UPRT: variants seen among roughly 807,000 people sequenced by gnomAD.
UPRT encodes the protein RP11-311P8.3.
In UPRT, 5 loss-of-function variants were observed where a neutral mutation model predicts 22.6. That is an observed-to-expected ratio of 0.22 (90% CI 0.12 to 0.47). UPRT has a LOEUF of 0.47. Ranked by LOEUF, UPRT falls within the 20% of genes least tolerant of loss-of-function variation. The pLI is 0.99. For missense variants in UPRT, 181 were observed against 239.9 expected (o/e 0.75, Z 1.62); for synonymous variants, 77 against 87.7 (o/e 0.88, Z 0.68).
chrX:75,161,070 A>T (rs761633695), intron 2 of UPRT, among the ~76,000 whole-genome samples: 1 of 112,740 alleles, frequency 8.9e-6, no homozygotes, highest in South Asian at 3.7e-4. Flanking sequence ...CAAAATAAGT[A>T]GTTGTTTTAA....
At chrX:75,284,125 T>C (rs2082670083) in intron 1 of UPRT, among the ~76,000 whole-genome samples, 1 of 111,696 alleles carries the variant, frequency 9.0e-6, no homozygotes, top group Non-Finnish European at 1.9e-5. Context: ...TCTAAAAGTA[T>C]GTCCAAAGTT....
intron 4 of UPRT, among the ~76,000 whole-genome samples, chrX:75,263,456 A>G (rs902698572): frequency 1.1e-4 from 12 of 111,670 alleles, no homozygotes; most frequent in Non-Finnish European, 1.9e-5. Flanking sequence ...GGGAGGGTGT[A>G]TGTGTCCAGG....
At chrX:75,183,607 C>A (rs1053753737) in intron 4 of UPRT, among the ~76,000 whole-genome samples, 1 of 111,908 alleles carries the variant, frequency 8.9e-6, no homozygotes, top group African/African-American at 3.3e-5. Flanking sequence ...CACCGACTTC[C>A]AAAATGATTG....
chrX:75,223,245 C>T (rs1055399570), intron 4 of UPRT, among the ~76,000 whole-genome samples: 1 of 109,378 alleles, frequency 9.1e-6, no homozygotes, highest in African/African-American at 3.3e-5. Flanking sequence ...TCTTCCCTCT[C>T]CTTTCCTCAA....
At chrX:75,269,783 A>G (rs994648993), upstream of UPRT, among the ~76,000 whole-genome samples, 1 of 111,958 alleles carries the variant, frequency 8.9e-6, no homozygotes, top group Non-Finnish European at 1.9e-5. Context: ...TAAACACAAG[A>G]CCTAAAATCA....
At chrX:75,237,813 G>T (rs1460627796) in intron 4 of UPRT, among the ~76,000 whole-genome samples, 1 of 50,083 alleles carries the variant, frequency 2.0e-5, no homozygotes, top group African/African-American at 7.7e-5. Context: ...TGGGGGGAGG[G>T]GGGAGGGATA....
chrX:75,288,433 A>G (rs1456765645), intron 1 of UPRT, among the ~76,000 whole-genome samples: 1 of 112,317 alleles, frequency 8.9e-6, no homozygotes, highest in Non-Finnish European at 1.9e-5. Flanking sequence ...AAAGTCCTCA[A>G]CAAAATACTA....
At chrX:75,239,569 A>G (rs887723457) in intron 4 of UPRT, among the ~76,000 whole-genome samples, 2 of 111,434 alleles carry the variant, frequency 1.8e-5, no homozygotes, top group African/African-American at 3.3e-5. Flanking sequence ...CAAAGGATAG[A>G]GAAAGAGGGA....
chrX:75,194,154 G>A (rs2082325424), intron 4 of UPRT, among the ~76,000 whole-genome samples: 1 of 111,641 alleles, frequency 9.0e-6, no homozygotes, highest in Admixed American at 9.6e-5. Flanking sequence ...CCTATTTGAT[G>A]TCCTTGGGAG....
At chrX:75,235,861 G>T (rs1480044384) in intron 4 of UPRT, among the ~76,000 whole-genome samples, 1 of 111,564 alleles carries the variant, frequency 9.0e-6, no homozygotes, top group African/African-American at 3.3e-5. Context: ...GGCAAAAACT[G>T]GAAGCATTCC....
At chrX:75,241,312 A>G (rs1049673603) in intron 4 of UPRT, among the ~76,000 whole-genome samples, 27 of 111,996 alleles carry the variant, frequency 2.4e-4, no homozygotes, top group Admixed American at 2.1e-3. Context: ...TGTCTAGCAA[A>G]CAGGAAAAAA....
At chrX:75,236,252 G>T (rs769990785) in intron 4 of UPRT, among the ~76,000 whole-genome samples, 2 of 111,321 alleles carry the variant, frequency 1.8e-5, no homozygotes, top group Admixed American at 1.9e-4. Context: ...GGATGTGAAG[G>T]ACCTCTTCAA....
intron 4 of UPRT, among the ~76,000 whole-genome samples, chrX:75,180,085 T>C (rs1198792802): frequency 8.9e-6 from 1 of 112,626 alleles, no homozygotes; most frequent in African/African-American, 3.2e-5. Context: ...ACCTCTCACT[T>C]TGTTGCCTCC....
chrX:75,205,383 CAAAAAAAAAA>C (rs55819232), intron 4 of UPRT, among the ~76,000 whole-genome samples: 5 of 38,147 alleles, frequency 1.3e-4, no homozygotes, highest in African/African-American at 2.6e-4. Flanking sequence ...GACTCCGTCT[CAAAAAAAAAA>C]AAAAAAAAAA....
chrX:75,240,098 G>A (rs2082483524), intron 4 of UPRT, among the ~76,000 whole-genome samples: 2 of 111,290 alleles, frequency 1.8e-5, no homozygotes, highest in Admixed American at 1.9e-4. Context: ...CCTAGCCAGA[G>A]CAATCAGACA....
intron 4 of UPRT, among the ~76,000 whole-genome samples, chrX:75,267,195 C>A (rs1569278375): frequency 2.7e-5 from 3 of 111,952 alleles, no homozygotes; most frequent in Non-Finnish European, 1.9e-5. Flanking sequence ...ACCGAAATGT[C>A]CATCAGTGAT....
At chrX:75,270,144 A>G (rs1468404529), upstream of UPRT, among the ~76,000 whole-genome samples, 2 of 112,439 alleles carry the variant, frequency 1.8e-5, no homozygotes, top group Non-Finnish European at 3.8e-5. Flanking sequence ...GCCAACGAAC[A>G]TATGAAAAAA....
At chrX:75,239,900 T>A (rs149816369) in intron 4 of UPRT, among the ~76,000 whole-genome samples, 1,345 of 111,356 alleles carry the variant, frequency 0.012, 23 homozygotes, top group African/African-American at 0.042. Flanking sequence ...TAGCATCCCT[T>A]TATGATTAAA....
chrX:75,274,775 G>GGTGTGTGTGT (rs201034223), intron 1 of UPRT, 135 bp downstream of exon 1: 87 of 361,653 alleles, frequency 2.4e-4, no homozygotes, highest in African/African-American at 1.5e-3. Context: ...CCTTTTATTT[G>GGTGTGTGTGT]GTGTGTGTGT....
Sources: allele counts gnomAD v4.1 joint callset (sites outside exome capture counted in the v4.1 genomes callset), GRCh38; gene constraint gnomAD v4.1.1; transcripts MANE v1.5; gene names NCBI Gene and HGNC (gene_info 2026-07-23, HGNC 2026-07-21).